The following ME1 variants were observed in gnomAD, a reference collection of about 807,000 sequenced individuals.
ME1 encodes malic enzyme 1.
ME1 carries 74 observed loss-of-function variants against 66.4 expected under a neutral mutation model. That is an observed-to-expected ratio of 1.11 (90% confidence interval 0.92 to 1.35). ME1 has a LOEUF of 1.35. Ranked by LOEUF, ME1 falls within the 40% of genes most tolerant of loss-of-function variation. The pLI is 0.00. For missense variants in ME1, 750 were observed against 694.1 expected, an observed-to-expected ratio of 1.08 and a Z score of -0.90; for synonymous variants, 251 against 235.6, an observed-to-expected ratio of 1.07 and a Z score of -0.60.
intron 5 of ME1, among the ~76,000 whole-genome samples, chr6:83,324,742 C>G (rs996123976): frequency 9.3e-6 from 1 of 107,574 alleles, no homozygotes; most frequent in African/African-American, 4.0e-5. Flanking sequence ...AAAAAAAAAG[C>G]CCAGGACGAG....
chr6:83,354,194 T>G lies in ME1; in HGVS notation c.363-2055A>C, dbSNP rs1283197738. ...CAGGTTGGAGGGCATTGGCATAATC[T>G]TGGCTCACTGCATCCCCTGCCTCCT... is the stretch of plus-strand genomic sequence containing the variant. On this transcript the variant is annotated intron_variant, in intron 3 of 13. Transcript: ENST00000369705. Among the ~76,000 whole-genome samples the G allele has an allele frequency of 3.3e-5, 5 of 152,198 alleles. No individual in the cohort carries two copies. The East Asian group carries it at 7.7e-4, about 23-fold the overall frequency.
intron 6 of ME1, among the ~76,000 whole-genome samples, chr6:83,263,215 G>A (rs1219383482): frequency 2.6e-5 from 4 of 152,236 alleles, no homozygotes; most frequent in Non-Finnish European, 4.4e-5. Flanking sequence ...CTGCTCCACT[G>A]ACTGGCCACA....
At chr6:83,216,647 G>A in intron 12 of ME1, 51 bp from the exon 13 acceptor site, 1 of 1,247,732 alleles carries the variant, frequency 8.0e-7, no homozygotes, top group Non-Finnish European at 1.1e-6. Flanking sequence ...ACGATACAAT[G>A]TGGTGGGTAC....
intron 3 of ME1, among the ~76,000 whole-genome samples, chr6:83,352,881 A>G (rs570573263): frequency 2.2e-4 from 34 of 152,332 alleles, no homozygotes; most frequent in African/African-American, 7.9e-4. Flanking sequence ...GAATTGTTAT[A>G]AGACAACCAC....
chr6:83,405,722 GTTTT>G (rs1245020714), intron 2 of ME1, among the ~76,000 whole-genome samples: 4 of 126,268 alleles, frequency 3.2e-5, no homozygotes, highest in Non-Finnish European at 6.4e-5. Flanking sequence ...TGTTGTTGTT[GTTTT>G]TTTTTTTTTT....
intron 3 of ME1, among the ~76,000 whole-genome samples, chr6:83,366,476 A>G (rs562744610): frequency 2.6e-5 from 4 of 152,288 alleles, no homozygotes; most frequent in Non-Finnish European, 4.4e-5. Flanking sequence ...TGAAGAAGGA[A>G]TTTGCCTTCA....
chr6:83,400,313 T>C (rs1769815984), intron 2 of ME1, among the ~76,000 whole-genome samples: 1 of 152,190 alleles, frequency 6.6e-6, no homozygotes, highest in African/African-American at 2.4e-5. Context: ...ACTTCCTTCC[T>C]ATCTTGCTCC....
chr6:83,382,316 A>G (rs1190200250), intron 3 of ME1, among the ~76,000 whole-genome samples: 3 of 152,110 alleles, frequency 2.0e-5, no homozygotes, highest in Non-Finnish European at 2.9e-5. Context: ...GACGCTCAAT[A>G]AATTTCTGGT....
chr6:83,317,317 G>A (rs951941730), intron 5 of ME1, among the ~76,000 whole-genome samples: 4 of 152,040 alleles, frequency 2.6e-5, no homozygotes, highest in Non-Finnish European at 4.4e-5. Flanking sequence ...TCTTCCATTT[G>A]TTTGTATCCT....
intron 6 of ME1, among the ~76,000 whole-genome samples, chr6:83,258,978 G>A (rs1766833028): frequency 6.6e-6 from 1 of 152,156 alleles, no homozygotes; most frequent in Non-Finnish European, 1.5e-5. Flanking sequence ...GTATTTGTAT[G>A]CATTCAACAT....
intron 3 of ME1, among the ~76,000 whole-genome samples, chr6:83,387,185 T>A (rs1328812915): frequency 6.6e-6 from 1 of 152,012 alleles, no homozygotes. Flanking sequence ...TACCATACAG[T>A]ATATAATTAA....
intron 3 of ME1, among the ~76,000 whole-genome samples, chr6:83,376,712 A>G (rs1248550062): frequency 6.6e-6 from 1 of 150,626 alleles, no homozygotes; most frequent in Admixed American, 6.7e-5. Context: ...CTGAGGCAGG[A>G]GAATCACCTG....
chr6:83,235,346 T>C (rs1266805428), intron 9 of ME1, among the ~76,000 whole-genome samples: 1 of 152,176 alleles, frequency 6.6e-6, no homozygotes, highest in Admixed American at 6.5e-5. Context: ...CCCCAGAGTC[T>C]AGAACAACAC....
intron 6 of ME1, among the ~76,000 whole-genome samples, chr6:83,301,257 C>CTTTT (rs1767712417): frequency 6.6e-6 from 1 of 151,446 alleles, no homozygotes; most frequent in African/African-American, 2.4e-5. Context: ...CTCTTTCTTT[C>CTTTT]TTTCCCCTTC....
chr6:83,243,509 TATTATA>T (rs923856629), intron 7 of ME1, among the ~76,000 whole-genome samples: 1 of 127,546 alleles, frequency 7.8e-6, no homozygotes, highest in Non-Finnish European at 1.6e-5. Flanking sequence ...TGATATAATC[TATTATA>T]ATTATATTAT....
At chr6:83,429,495 G>A (rs1262686341) in intron 1 of ME1, among the ~76,000 whole-genome samples, 1 of 151,972 alleles carries the variant, frequency 6.6e-6, no homozygotes, top group Non-Finnish European at 1.5e-5. Flanking sequence ...AAATAGTTTT[G>A]TCACATCAAA....
chr6:83,214,731 C>T (rs1789959441), intron 13 of ME1, among the ~76,000 whole-genome samples: 1 of 152,112 alleles, frequency 6.6e-6, no homozygotes, highest in South Asian at 2.1e-4. Flanking sequence ...TTTATCTAGC[C>T]TCTCTTTAAG....
At chr6:83,346,960 T>C (rs957712453) in intron 4 of ME1, among the ~76,000 whole-genome samples, 27 of 152,146 alleles carry the variant, frequency 1.8e-4, no homozygotes, top group Admixed American at 5.9e-4. Flanking sequence ...TTCTTTTTTT[T>C]CCCTTTTTTC....
At chr6:83,251,468 C>T (rs536248359) in intron 7 of ME1, among the ~76,000 whole-genome samples, 157 of 150,540 alleles carry the variant, frequency 1.0e-3, no homozygotes, top group African/African-American at 3.7e-3. Context: ...CACTCCAGCC[C>T]GGGCAATAGA....
Sources: gnomAD v4.1 joint callset for allele counts (sites outside exome capture counted in the v4.1 genomes callset) on GRCh38, gnomAD v4.1.1 for gene constraint, MANE v1.5 for transcripts, NCBI Gene and HGNC (gene_info 2026-07-23, HGNC 2026-07-21) for gene names.